Variants in PCSK2 observed in about 807,000 individuals in gnomAD.
The protein encoded by PCSK2 is proprotein convertase subtilisin/kexin type 2, also known as neuroendocrine convertase 2.
A neutral mutation model predicts 69.7 loss-of-function variants in PCSK2; 14 were observed. The observed-to-expected ratio is 0.20, with a 90% confidence interval of 0.13 to 0.31. The LOEUF is 0.31. Ranked by LOEUF, PCSK2 falls within the 10% of genes least tolerant of loss-of-function variation. PCSK2 has a pLI of 1.00. For missense variants in PCSK2, 544 were observed against 842.5 expected (o/e 0.65, Z 4.39); for synonymous variants, 307 against 320.7 (o/e 0.96, Z 0.46).
intron 2 of PCSK2, among the ~76,000 whole-genome samples, chr20:17,299,902 A>C (rs968789315): frequency 6.6e-6 from 1 of 152,172 alleles, no homozygotes; most frequent in African/African-American, 2.4e-5. Flanking sequence ...CTATATGTCT[A>C]TTTTGGTGAA....
intron 6 of PCSK2, among the ~76,000 whole-genome samples, chr20:17,415,621 G>T (rs2031981787): frequency 6.6e-6 from 1 of 152,170 alleles, no homozygotes. Flanking sequence ...GTAATTTGTA[G>T]ATTCAATGCC....
At chr20:17,296,623 T>C (rs932251972) in intron 2 of PCSK2, among the ~76,000 whole-genome samples, 2 of 152,220 alleles carry the variant, frequency 1.3e-5, no homozygotes, top group African/African-American at 2.4e-5. Flanking sequence ...AGAATTTTGA[T>C]AGGGAAGGAA....
chr20:17,378,172 C>A (rs750646998), intron 5 of PCSK2, among the ~76,000 whole-genome samples: 13 of 152,024 alleles, frequency 8.6e-5, no homozygotes, highest in Admixed American at 2.0e-4. Flanking sequence ...AATGCAATAG[C>A]TAGAAAAAGC....
intron 11 of PCSK2, among the ~76,000 whole-genome samples, chr20:17,471,755 G>T (rs954382131): frequency 3.9e-5 from 6 of 152,242 alleles, no homozygotes; most frequent in African/African-American, 1.4e-4. Flanking sequence ...GAATGCAGAG[G>T]CTCCACAGGG....
chr20:17,269,676 C>T (rs1477444905), intron 2 of PCSK2, among the ~76,000 whole-genome samples: 3 of 152,096 alleles, frequency 2.0e-5, no homozygotes, highest in African/African-American at 7.2e-5. Flanking sequence ...GAGAATCTAG[C>T]TCTTAAACCT....
intron 4 of PCSK2, among the ~76,000 whole-genome samples, chr20:17,363,278 A>G (rs1437367932): frequency 6.6e-6 from 1 of 152,192 alleles, no homozygotes; most frequent in East Asian, 1.9e-4. Context: ...CCTCTGCTGG[A>G]TCCAGTGACT....
chr20:17,239,445 C>A (rs189170763), intron 1 of PCSK2, among the ~76,000 whole-genome samples: 195 of 152,084 alleles, frequency 1.3e-3, no homozygotes, highest in Admixed American at 3.6e-3. Flanking sequence ...TCAGTAGCAG[C>A]ACTTTAGGCA....
At chr20:17,321,125 A>T in intron 2 of PCSK2, among the ~76,000 whole-genome samples, 1 of 152,200 alleles carries the variant, frequency 6.6e-6, no homozygotes, top group African/African-American at 2.4e-5. Flanking sequence ...TATTCACCCA[A>T]GTTACTCAAC....
intron 7 of PCSK2, among the ~76,000 whole-genome samples, chr20:17,430,922 G>C (rs553334679): frequency 6.6e-6 from 1 of 152,158 alleles, no homozygotes; most frequent in East Asian, 1.9e-4. Flanking sequence ...GCTTTCTGGA[G>C]GTTCCTGGGA....
intron 2 of PCSK2, among the ~76,000 whole-genome samples, chr20:17,353,052 A>T (rs2030047146): frequency 6.6e-6 from 1 of 152,226 alleles, no homozygotes; most frequent in Non-Finnish European, 1.5e-5. Flanking sequence ...TTCTCAAAAA[A>T]CACACAGGTG....
At chr20:17,236,486 C>A (rs1986343051) in intron 1 of PCSK2, among the ~76,000 whole-genome samples, 1 of 152,128 alleles carries the variant, frequency 6.6e-6, no homozygotes, top group African/African-American at 2.4e-5. Context: ...GGGAAATTAG[C>A]ATCCTGACAC....
At chr20:17,373,253 A>C (rs2030827181) in intron 5 of PCSK2, among the ~76,000 whole-genome samples, 1 of 152,194 alleles carries the variant, frequency 6.6e-6, no homozygotes, top group African/African-American at 2.4e-5. Context: ...ACAAGACAGC[A>C]CTGTGGGCAC....
intron 2 of PCSK2, among the ~76,000 whole-genome samples, chr20:17,291,247 A>G (rs745413210): frequency 1.3e-5 from 2 of 152,108 alleles, no homozygotes; most frequent in Non-Finnish European, 2.9e-5. Context: ...TCTTTTATGT[A>G]TATACAAAAT....
intron 1 of PCSK2, among the ~76,000 whole-genome samples, chr20:17,255,487 G>A (rs1309538473): frequency 1.3e-5 from 2 of 151,988 alleles, no homozygotes; most frequent in South Asian, 2.1e-4. Flanking sequence ...GACTACAGGA[G>A]CCTGCCACCA....
chr20:17,397,832 T>A (rs1019252047), intron 5 of PCSK2, among the ~76,000 whole-genome samples: 3 of 152,192 alleles, frequency 2.0e-5, no homozygotes, highest in Non-Finnish European at 4.4e-5. Flanking sequence ...TTCTTTTGTT[T>A]TCTTTGGCTC....
At chr20:17,429,342 T>C (rs1346438928) in intron 6 of PCSK2, 93 bp from the exon 7 acceptor site, 4 of 878,884 alleles carry the variant, frequency 4.6e-6, no homozygotes, top group Non-Finnish European at 7.6e-6. Context: ...TACGCAGATT[T>C]CATTTTTGTT....
intron 2 of PCSK2, among the ~76,000 whole-genome samples, chr20:17,315,851 G>C (rs1288725429): frequency 6.6e-6 from 1 of 152,218 alleles, no homozygotes; most frequent in Non-Finnish European, 1.5e-5. Flanking sequence ...CCGGTGTGAA[G>C]CCAGTGTGAA....
At position 17,272,880 on chromosome 20, in the gene PCSK2, C is replaced by G. The variant is rs184669931; in HGVS notation, c.282+12536C>G. 3.3e-5 allele frequency among the ~76,000 whole-genome samples: 5 copies of G among 152,204 alleles called. No homozygotes were observed. In the East Asian group the frequency reaches 7.7e-4, roughly 24 times the overall value. ...GGTTGATTTGTGTGTGTATATGGCTCTCTGAGAAATCAGTTTATTTGCCAT... is the reference window on the plus strand; with the variant it reads ...GGTTGATTTGTGTGTGTATATGGCTGTCTGAGAAATCAGTTTATTTGCCAT... On this transcript the variant is annotated intron_variant, in intron 2 of 11. Coordinates refer to ENST00000262545, the MANE Select transcript of PCSK2 (RefSeq NM_002594.5).
At chr20:17,340,935 G>A (rs1990492521) in intron 2 of PCSK2, among the ~76,000 whole-genome samples, 1 of 152,166 alleles carries the variant, frequency 6.6e-6, no homozygotes, top group Admixed American at 6.5e-5. Context: ...GAAGAGCATA[G>A]TTCTTTGCCA....
Sources: allele counts gnomAD v4.1 joint callset (sites outside exome capture counted in the v4.1 genomes callset), GRCh38; gene constraint gnomAD v4.1.1; transcripts MANE v1.5; gene names NCBI Gene and HGNC (gene_info 2026-07-23, HGNC 2026-07-21).